Variants in SLC14A2 observed in about 807,000 individuals in gnomAD.
SLC14A2 encodes the protein solute carrier family 14 member 2.
SLC14A2 carries 91 observed loss-of-function variants against 104.6 expected under a neutral mutation model. The ratio of observed to expected loss-of-function variants is 0.87; its 90% CI spans 0.73 to 1.04. The LOEUF is 1.04. SLC14A2 is among the 50% of genes least tolerant of loss of function. The pLI is 0.00. For synonymous variants in SLC14A2, 476 were observed against 466.4 expected (o/e 1.02, Z -0.27); for missense variants, 1,189 against 1,156.0 (o/e 1.03, Z -0.41).
chr18:45,196,461 G>A, the SLC14A2 span, among the ~76,000 whole-genome samples: 2 of 152,202 alleles, frequency 1.3e-5, no homozygotes, highest in African/African-American at 4.8e-5. Flanking sequence ...CTCTGAAGTG[G>A]CCAAAGAAAT....
intron 1 of SLC14A2, among the ~76,000 whole-genome samples, chr18:45,361,340 G>C (rs187356876): frequency 6.6e-6 from 1 of 152,294 alleles, no homozygotes; most frequent in South Asian, 2.1e-4. Context: ...TGAGTGAGCT[G>C]TCATTTGAAA....
chr18:45,294,033 A>G (rs574247451), intron 1 of SLC14A2, among the ~76,000 whole-genome samples: 1 of 152,354 alleles, frequency 6.6e-6, no homozygotes, highest in South Asian at 2.1e-4. Context: ...CACGGTATCC[A>G]TCACTTTTGG....
At chr18:45,651,087 C>A (rs1176529595) in intron 10 of SLC14A2, among the ~76,000 whole-genome samples, 1 of 152,140 alleles carries the variant, frequency 6.6e-6, no homozygotes, top group Non-Finnish European at 1.5e-5. Context: ...GCAGCCCAAG[C>A]ATTCCCAGCC....
intron 1 of SLC14A2, among the ~76,000 whole-genome samples, chr18:45,231,352 A>G (rs1457613065): frequency 2.0e-5 from 3 of 152,050 alleles, no homozygotes; most frequent in African/African-American, 4.8e-5. Context: ...ACTAGCATGC[A>G]TCACCATGCC....
chr18:45,207,452 T>G, the SLC14A2 span, among the ~76,000 whole-genome samples: 2 of 145,852 alleles, frequency 1.4e-5, no homozygotes, highest in African/African-American at 2.5e-5. Context: ...GCGTAGGGGA[T>G]GGAAGAGGGG....
intron 1 of SLC14A2, among the ~76,000 whole-genome samples, chr18:45,357,127 G>T (rs79284453): frequency 0.034 from 5,228 of 152,178 alleles, 306 homozygotes; most frequent in African/African-American, 0.12. Flanking sequence ...GGAAGCTACA[G>T]TGCTAAGAAG....
the SLC14A2 span, among the ~76,000 whole-genome samples, chr18:45,176,579 G>A: frequency 9.9e-5 from 15 of 152,028 alleles, no homozygotes; most frequent in African/African-American, 3.1e-4. Flanking sequence ...TACAATCCTC[G>A]CTAGAAAAAT....
At chr18:45,577,456 A>C (rs909630977) in intron 2 of SLC14A2, among the ~76,000 whole-genome samples, 3 of 152,226 alleles carry the variant, frequency 2.0e-5, no homozygotes, top group African/African-American at 7.2e-5. Context: ...TAGAAGAAGC[A>C]TCACATAATT....
chr18:45,637,093 G>T lies in SLC14A2; in HGVS notation c.754G>T (p.Gly252Cys). 1 of 1,614,210 alleles carries T rather than the reference G, an allele frequency of 6.2e-7. No individual in the cohort carries two copies. The highest frequency in any genetic ancestry group is 1.1e-5 in the South Asian group (1 of 91,088). ...AGTCACCTTGTACCTTGCAGCCACA[G>T]GCCACTACAACCTCTTCTTCCCCAC... Reference protein sequence around the residue: ...IAVTLYLAATGHYNLFFPTTL... With the variant: ...IAVTLYLAATCHYNLFFPTTL... Residue 252 changes from glycine (G) to cysteine (C), a missense_variant, in exon 6 of 20, where the codon GGC becomes TGC. Transcript: ENST00000255226.
At chr18:45,566,546 C>T (rs1178863185) in intron 2 of SLC14A2, among the ~76,000 whole-genome samples, 1 of 138,216 alleles carries the variant, frequency 7.2e-6, no homozygotes, top group Non-Finnish European at 1.6e-5. Context: ...CACACACACA[C>T]AGTGTCCACA....
At chr18:45,441,216 G>A (rs1250574615) in intron 1 of SLC14A2, among the ~76,000 whole-genome samples, 1 of 152,154 alleles carries the variant, frequency 6.6e-6, no homozygotes, top group Non-Finnish European at 1.5e-5. Context: ...TTTTTAAAAT[G>A]TAGTTTTACA....
intron 1 of SLC14A2, among the ~76,000 whole-genome samples, chr18:45,421,369 T>A (rs1291721356): frequency 6.6e-6 from 1 of 152,072 alleles, no homozygotes; most frequent in East Asian, 1.9e-4. Context: ...TTTTGCATAA[T>A]ATTTAAATAA....
At chr18:45,216,874 CA>C (rs1433533501) in intron 1 of SLC14A2, among the ~76,000 whole-genome samples, 1 of 152,170 alleles carries the variant, frequency 6.6e-6, no homozygotes, top group African/African-American at 2.4e-5. Context: ...GACATCCACA[CA>C]AAATCCTCCT....
At chr18:45,199,622 C>T in the SLC14A2 span, among the ~76,000 whole-genome samples, 12 of 152,216 alleles carry the variant, frequency 7.9e-5, no homozygotes, top group East Asian at 1.9e-3. Flanking sequence ...TGAATAGGAA[C>T]CTCTCATTTC....
chr18:45,492,816 G>A (rs1007420804), intron 2 of SLC14A2, among the ~76,000 whole-genome samples: 1 of 152,138 alleles, frequency 6.6e-6, no homozygotes, highest in Non-Finnish European at 1.5e-5. Flanking sequence ...CAAAAAAGAG[G>A]ATAGATGAGG....
chr18:45,668,787 GT>G (rs1440156766), intron 15 of SLC14A2, among the ~76,000 whole-genome samples: 2 of 152,198 alleles, frequency 1.3e-5, no homozygotes, highest in Non-Finnish European at 2.9e-5. Context: ...ATAGGGTCCT[GT>G]CAGTTTCTGG....
chr18:45,216,534 C>T (rs1354441241), intron 1 of SLC14A2, among the ~76,000 whole-genome samples: 1 of 152,120 alleles, frequency 6.6e-6, no homozygotes, highest in East Asian at 1.9e-4. Flanking sequence ...GTTGGAGAGG[C>T]CGTGTATTTT....
chr18:45,680,577 T>G (rs1000047777), intron 19 of SLC14A2, among the ~76,000 whole-genome samples: 11 of 152,204 alleles, frequency 7.2e-5, no homozygotes, highest in Admixed American at 2.0e-4. Context: ...CTGTACTCTT[T>G]TGTTTTCTAA....
At chr18:45,171,215 T>A in the SLC14A2 span, among the ~76,000 whole-genome samples, 1 of 152,132 alleles carries the variant, frequency 6.6e-6, no homozygotes, top group African/African-American at 2.4e-5. Flanking sequence ...ATTGTTTATC[T>A]GAAATTCAAA....
Sources: gnomAD v4.1 joint callset for allele counts (sites outside exome capture counted in the v4.1 genomes callset) on GRCh38, gnomAD v4.1.1 for gene constraint, MANE v1.5 for transcripts, NCBI Gene and HGNC (gene_info 2026-07-23, HGNC 2026-07-21) for gene names.